PARN: variants seen among roughly 807,000 people sequenced by gnomAD.
PARN encodes poly(A)-specific ribonuclease PARN.
In PARN, 71 loss-of-function variants were observed where a neutral mutation model predicts 102.8. That is an observed-to-expected ratio of 0.69 (90% CI 0.57 to 0.84). PARN has a LOEUF of 0.84. Ranked by LOEUF, PARN falls within the 40% of genes least tolerant of loss-of-function variation. The probability of loss-of-function intolerance (pLI) is 0.00; values close to 1 mark genes in which losing one functional copy is unlikely to be tolerated. For missense variants in PARN, 782 were observed against 760.9 expected (o/e 1.03, Z -0.33); for synonymous variants, 261 against 252.9 (o/e 1.03, Z -0.30).
chr16:14,525,945 A>G (rs1384515284), intron 21 of PARN, among the ~76,000 whole-genome samples: 1 of 151,668 alleles, frequency 6.6e-6, no homozygotes, highest in East Asian at 1.9e-4. Context: ...CAGCCTCCCG[A>G]GTAGCTAGGA....
intron 22 of PARN, among the ~76,000 whole-genome samples, chr16:14,468,122 T>C (rs1399694824): frequency 6.6e-6 from 1 of 152,170 alleles, no homozygotes; most frequent in Non-Finnish European, 1.5e-5. Context: ...GGAAGGATCA[T>C]AAATGGATAT....
chr16:14,504,416 G>A (rs951186407), intron 21 of PARN, among the ~76,000 whole-genome samples: 4 of 151,856 alleles, frequency 2.6e-5, no homozygotes, highest in African/African-American at 7.3e-5. Flanking sequence ...AAAATTATCC[G>A]GGCATGGTGG....
chr16:14,594,665 G>A (rs1970396121), intron 12 of PARN, among the ~76,000 whole-genome samples: 1 of 152,074 alleles, frequency 6.6e-6, no homozygotes, highest in Non-Finnish European at 1.5e-5. Context: ...GCAGTGAGCT[G>A]AGATCGCACC....
At chr16:14,559,797 C>T (rs1967940130) in intron 18 of PARN, among the ~76,000 whole-genome samples, 1 of 152,182 alleles carries the variant, frequency 6.6e-6, no homozygotes, top group Non-Finnish European at 1.5e-5. Context: ...TTCACCTTCA[C>T]ATCTGGGGTT....
chr16:14,601,091 A>G (rs1970838892), intron 11 of PARN, among the ~76,000 whole-genome samples: 2 of 152,162 alleles, frequency 1.3e-5, no homozygotes, highest in African/African-American at 4.8e-5. Flanking sequence ...GAATTCCCAT[A>G]TTACCCAGCA....
At chr16:14,537,928 TAGAAGAG>T (rs1050586748) in intron 21 of PARN, among the ~76,000 whole-genome samples, 8 of 152,168 alleles carry the variant, frequency 5.3e-5, no homozygotes, top group African/African-American at 1.9e-4. Flanking sequence ...TTCAAAAAGC[TAGAAGAG>T]AGAAGTTTGA....
intron 2 of PARN, among the ~76,000 whole-genome samples, chr16:14,629,231 G>A (rs897856757): frequency 1.3e-5 from 2 of 152,136 alleles, no homozygotes; most frequent in Non-Finnish European, 2.9e-5. Context: ...TGTACTTAAT[G>A]CCACTTAACT....
intron 18 of PARN, among the ~76,000 whole-genome samples, chr16:14,570,321 C>CAAAAAAAAA (rs59965954): frequency 1.4e-4 from 9 of 63,068 alleles, no homozygotes; most frequent in Non-Finnish European, 1.6e-4. Context: ...GACTCTGTCT[C>CAAAAAAAAA]AAAAAAAAAA....
chr16:14,439,448 G>A (rs1430082660), intron 23 of PARN, among the ~76,000 whole-genome samples: 3 of 149,140 alleles, frequency 2.0e-5, no homozygotes, highest in Non-Finnish European at 4.5e-5. Flanking sequence ...GGAAGGGAGG[G>A]AGGGAGATAC....
At chr16:14,569,247 A>G (rs998294086) in intron 18 of PARN, among the ~76,000 whole-genome samples, 1 of 152,194 alleles carries the variant, frequency 6.6e-6, no homozygotes, top group African/African-American at 2.4e-5. Flanking sequence ...AAGAATTTAA[A>G]AAAACGAAAT....
chr16:14,621,594 G>C (rs1032451522), intron 5 of PARN, among the ~76,000 whole-genome samples: 3 of 151,652 alleles, frequency 2.0e-5, no homozygotes, highest in Non-Finnish European at 2.9e-5. Flanking sequence ...GGCAGATCAC[G>C]AGGTCAAGAG....
At chr16:14,440,287 A>G (rs1960888922) in intron 23 of PARN, among the ~76,000 whole-genome samples, 2 of 152,202 alleles carry the variant, frequency 1.3e-5, no homozygotes, top group Non-Finnish European at 2.9e-5. Flanking sequence ...CAAAGCCACA[A>G]TGAGATACCA....
chr16:14,600,680 G>C (rs916482914), intron 11 of PARN, among the ~76,000 whole-genome samples: 18 of 151,996 alleles, frequency 1.2e-4, no homozygotes, highest in African/African-American at 2.9e-4. Context: ...CCTGTAATCC[G>C]AGCACTTTGG....
At chr16:14,472,892 T>C (rs1418873497) in intron 22 of PARN, among the ~76,000 whole-genome samples, 1 of 152,222 alleles carries the variant, frequency 6.6e-6, no homozygotes, top group African/African-American at 2.4e-5. Context: ...TTTTTTTCTC[T>C]ACAGAGGATA....
intron 21 of PARN, among the ~76,000 whole-genome samples, chr16:14,511,240 G>A (rs111741683): frequency 1.2e-4 from 19 of 152,286 alleles, no homozygotes; most frequent in Admixed American, 4.6e-4. Context: ...ACAGGGTGAT[G>A]AGTCCAAGGT....
At chr16:14,507,676 GAA>G (rs796529838) in intron 21 of PARN, among the ~76,000 whole-genome samples, 1 of 146,868 alleles carries the variant, frequency 6.8e-6, no homozygotes, top group African/African-American at 2.5e-5. Flanking sequence ...GTGACAGGGG[GAA>G]AAAAAAAAGA....
At chr16:14,563,691 G>A (rs1346973037) in intron 18 of PARN, among the ~76,000 whole-genome samples, 3 of 148,976 alleles carry the variant, frequency 2.0e-5, no homozygotes, top group African/African-American at 5.0e-5. Flanking sequence ...GCACACCACC[G>A]CACCTGGCTT....
chr16:14,603,660 C>A (rs1045208352), intron 11 of PARN, among the ~76,000 whole-genome samples: 8 of 152,194 alleles, frequency 5.3e-5, no homozygotes, highest in Non-Finnish European at 1.0e-4. Context: ...CATCTCCTAG[C>A]TAGGTTACTC....
intron 21 of PARN, among the ~76,000 whole-genome samples, chr16:14,509,434 A>G (rs139037575): frequency 6.6e-6 from 1 of 152,314 alleles, no homozygotes; most frequent in Non-Finnish European, 1.5e-5. Context: ...ATGATTATTT[A>G]GTGATTTTTT....
Sources: allele counts gnomAD v4.1 joint callset (sites outside exome capture counted in the v4.1 genomes callset), GRCh38; gene constraint gnomAD v4.1.1; transcripts MANE v1.5; gene names NCBI Gene and HGNC (gene_info 2026-07-23, HGNC 2026-07-21).